UBN2: variants seen among roughly 807,000 people sequenced by gnomAD.
UBN2 encodes the protein ubinuclein 2, also known as ubinuclein-2.
UBN2 carries 35 observed loss-of-function variants against 120.2 expected under a neutral mutation model. The observed-to-expected ratio is 0.29, with a 90% CI of 0.22 to 0.39. UBN2 has a LOEUF of 0.39. UBN2 is among the 10% of genes least tolerant of loss of function. UBN2 has a pLI of 1.00. For synonymous variants in UBN2, 661 were observed against 648.7 expected (o/e 1.02, Z -0.29); for missense variants, 1,693 against 1,663.2 (o/e 1.02, Z -0.31).
intron 2 of UBN2, among the ~76,000 whole-genome samples, chr7:139,246,362 C>T (rs184852861): frequency 1.3e-5 from 2 of 151,960 alleles, no homozygotes; most frequent in Non-Finnish European, 1.5e-5. Flanking sequence ...AGTGAGACTC[C>T]GTCTCAAAAA....
At chr7:139,286,976 A>G (rs896039984) in intron 15 of UBN2, among the ~76,000 whole-genome samples, 1 of 152,244 alleles carries the variant, frequency 6.6e-6, no homozygotes, top group Non-Finnish European at 1.5e-5. Flanking sequence ...ATTAATTGAA[A>G]TCTAGGATTA....
intron 2 of UBN2, among the ~76,000 whole-genome samples, chr7:139,244,335 A>G (rs1796403268): frequency 1.3e-5 from 2 of 152,202 alleles, no homozygotes; most frequent in Admixed American, 1.3e-4. Context: ...TTAAAAATCC[A>G]TGTGCAATTA....
intron 5 of UBN2, among the ~76,000 whole-genome samples, chr7:139,259,802 G>A (rs916962522): frequency 1.3e-5 from 2 of 152,160 alleles, no homozygotes; most frequent in Non-Finnish European, 2.9e-5. Context: ...AGGCTGAAGT[G>A]CAGTCCCACA....
At chr7:139,296,658 G>A (rs1798117460) in intron 17 of UBN2, among the ~76,000 whole-genome samples, 1 of 152,130 alleles carries the variant, frequency 6.6e-6, no homozygotes, top group African/African-American at 2.4e-5. Context: ...AGTTTTTGTA[G>A]GTAATTTAGT....
Position 139,258,596 on chromosome 7 carries a change from A to G in UBN2, c.772A>G (p.Thr258Ala). 8 of 1,603,352 alleles carry G rather than the reference A, an allele frequency of 5.0e-6. No homozygotes were observed. The highest frequency in any genetic ancestry group is 1.3e-5 in the African/African-American group (1 of 74,658). Residue 258 changes from threonine (T) to alanine (A), a missense_variant, in exon 4 of 18, where the codon ACA (threonine) becomes GCA (alanine). By Grantham distance (58) the Thr-to-Ala change is moderately conservative. This residue lies in a region of UBN2 where 663 missense variants were observed against 591.2 expected (regional missense o/e 1.12). Coordinates refer to ENST00000473989, the MANE Select transcript of UBN2 (RefSeq NM_173569.4). ...TTCAGATACTGAAGAAGATGATATT[A>G]CAGACAACCAAAAGCACAAGCCACC... is the stretch of plus-strand genomic sequence containing the variant. ...QASDTEEDDI[T>A]DNQKHKPPKV...
chr7:139,250,764 C>T (rs1261636447), intron 2 of UBN2, among the ~76,000 whole-genome samples: 1 of 151,976 alleles, frequency 6.6e-6, no homozygotes, highest in Non-Finnish European at 1.5e-5. Flanking sequence ...TACATGCACT[C>T]ATTTTTCATT....
At chr7:139,245,667 C>T (rs528460928) in intron 2 of UBN2, among the ~76,000 whole-genome samples, 1 of 152,198 alleles carries the variant, frequency 6.6e-6, no homozygotes, top group East Asian at 1.9e-4. Flanking sequence ...GCTATTTATG[C>T]CTAGACAAAA....
At chr7:139,275,379 T>G (rs926294986) in intron 11 of UBN2, among the ~76,000 whole-genome samples, 2 of 149,876 alleles carry the variant, frequency 1.3e-5, no homozygotes, top group Non-Finnish European at 3.0e-5. Flanking sequence ...GTCAGGAGAT[T>G]GAGACCATCC....
Position 139,231,802 on chromosome 7 carries a change from G to GC in UBN2, c.323dup (p.Pro109AlafsTer9). 3 of 1,422,256 alleles carry GC rather than the reference G, an allele frequency of 2.1e-6. No individual in the cohort carries two copies. Among genetic ancestry groups the GC allele is most frequent in the Non-Finnish European group, 9.2e-7 (1 of 1,087,130 alleles). 88.1% of individuals were successfully genotyped at this position (1,422,256 alleles called of 1,614,324 possible). A position where few individuals can be genotyped will look rare whatever the true frequency, so the allele number is the denominator to read the frequency against. On this transcript the variant is annotated frameshift_variant, in exon 1 of 18. Transcript: ENST00000473989. LOFTEE classifies it high-confidence loss of function. ...CGTTCCCGCCGCTGCCCTTGCAGCC[G>GC]CCCCCGCCGCGGGAGTCGGCTTCCC...
At chr7:139,270,021 G>A (rs1241185749) in intron 8 of UBN2, among the ~76,000 whole-genome samples, 2 of 152,104 alleles carry the variant, frequency 1.3e-5, no homozygotes, top group African/African-American at 4.8e-5. Flanking sequence ...TGTTGCCGAG[G>A]CTGGTCTTGA....
chr7:139,315,297 A>T, the UBN2 span: 1 of 152,250 alleles, frequency 6.6e-6, no homozygotes, highest in Admixed American at 6.5e-5. Context: ...TTTAAAAAAT[A>T]TAGAACGCTG....
At chr7:139,269,577 A>C (rs1797200392) in intron 8 of UBN2, 54 bp downstream of exon 8, 3 of 1,590,026 alleles carry the variant, frequency 1.9e-6, no homozygotes, top group Non-Finnish European at 2.6e-6. Context: ...CTGTAAAGAT[A>C]CTTGTTTCTG....
chr7:139,293,849 C>A (rs766128959), intron 16 of UBN2, 40 bp from the exon 17 acceptor site: 12 of 1,589,428 alleles, frequency 7.5e-6, no homozygotes, highest in African/African-American at 2.7e-5. Context: ...GGGCTCAAAT[C>A]TGGATTTAAA....
Position 139,302,696 on chromosome 7 carries a change from AT to A in UBN2, c.*4861del, listed in dbSNP as rs1798288974. On this transcript the variant is annotated 3_prime_UTR_variant, in exon 18 of 18. Coordinates refer to ENST00000473989, the MANE Select transcript of UBN2 (RefSeq NM_173569.4). ...CAAGACTCCGTCTCAAAAAAAGAAA[AT>A]AAAAGTATAGAAAAGTATCTTTTCA... 6.6e-6 allele frequency: 1 copy of A among 152,190 alleles called. No individual in the cohort carries two copies. The highest frequency in any genetic ancestry group is 1.5e-5 in the Non-Finnish European group (1 of 68,066). 9.4% of individuals were successfully genotyped at this position (152,190 alleles called of 1,614,324 possible). A position where few individuals can be genotyped will look rare whatever the true frequency, so the allele number is the denominator to read the frequency against.
the UBN2 span, among the ~76,000 whole-genome samples, chr7:139,316,823 G>T: frequency 6.6e-6 from 1 of 151,778 alleles, no homozygotes; most frequent in Non-Finnish European, 1.5e-5. Flanking sequence ...CAATTTTTCT[G>T]TTAGGAAGAT....
chr7:139,242,089 AT>A (rs1475406737), intron 2 of UBN2, among the ~76,000 whole-genome samples: 35 of 152,254 alleles, frequency 2.3e-4, no homozygotes, highest in Non-Finnish European at 2.9e-5. Context: ...GTATCTTGGA[AT>A]AACTAATTTC....
the UBN2 span, among the ~76,000 whole-genome samples, chr7:139,316,411 CACATTTAAA>C: frequency 6.6e-6 from 1 of 152,164 alleles, no homozygotes; most frequent in Non-Finnish European, 1.5e-5. Context: ...TTTGCTTCTT[CACATTTAAA>C]TAATAGTTTA....
chr7:139,271,200 C>T (rs890661914), intron 8 of UBN2, among the ~76,000 whole-genome samples: 5 of 152,132 alleles, frequency 3.3e-5, no homozygotes, highest in African/African-American at 1.2e-4. Flanking sequence ...GTTATATGTG[C>T]TGTAATATTT....
the UBN2 span, among the ~76,000 whole-genome samples, chr7:139,330,167 A>G: frequency 6.6e-6 from 1 of 152,246 alleles, no homozygotes; most frequent in Admixed American, 6.5e-5. Flanking sequence ...ACTTGGAAAA[A>G]GAACTATTTG....
Sources: gnomAD v4.1 joint callset for allele counts (sites outside exome capture counted in the v4.1 genomes callset) on GRCh38, gnomAD v4.1.1 for gene constraint, gnomAD v4.1.1 regional missense constraint, MANE v1.5 for transcripts, NCBI Gene and HGNC (gene_info 2026-07-23, HGNC 2026-07-21) for gene names.